The following TMEM163 variants were observed in gnomAD, a reference collection of about 807,000 sequenced individuals.
The protein encoded by TMEM163 is transmembrane protein 163.
A neutral mutation model predicts 29.3 loss-of-function variants in TMEM163; 17 were observed. The observed-to-expected ratio is 0.58, with a 90% confidence interval of 0.40 to 0.87. The LOEUF is 0.87. Among genes scored for constraint, TMEM163 ranks in the 40% least tolerant of loss-of-function variants. TMEM163 has a pLI of 0.00. For synonymous variants in TMEM163, 157 were observed against 160.6 expected (o/e 0.98, Z 0.17); for missense variants, 303 against 381.5 (o/e 0.79, Z 1.71).
chr2:134,671,744 C>T (rs1356476418), intron 2 of TMEM163, among the ~76,000 whole-genome samples: 3 of 152,244 alleles, frequency 2.0e-5, no homozygotes, highest in African/African-American at 7.2e-5. Context: ...CACAGCCCCA[C>T]CCCTGAGGGG....
intron 2 of TMEM163, among the ~76,000 whole-genome samples, chr2:134,635,815 G>T (rs1683091008): frequency 6.6e-6 from 1 of 152,106 alleles, no homozygotes; most frequent in African/African-American, 2.4e-5. Flanking sequence ...GGCAAAAGTG[G>T]GGATTGGAAA....
intron 2 of TMEM163, among the ~76,000 whole-genome samples, chr2:134,599,693 C>CT (rs559714595): frequency 0.48 from 62,321 of 130,918 alleles, 15,393 homozygotes; most frequent in Non-Finnish European, 0.55. Flanking sequence ...CCAACTTTAT[C>CT]TTTTTTTTTT....
chr2:134,713,425 C>T lies in TMEM163; in HGVS notation c.203-106G>A, dbSNP rs1684971868. The T allele has an allele frequency of 2.0e-6, 3 of 1,518,474 alleles. No homozygotes were observed. The African/African-American group carries it at 4.1e-5, about 21-fold the overall frequency. The allele number at this position is 1,518,474 out of a possible 1,614,324, so 94.1% of individuals were successfully genotyped here. ...AGATTGCAAACTAACAGCCCGTGGG[C>T]CAAGACGTGTTTTGTTTGGCCCACA... On this transcript the variant is annotated intron_variant, in intron 1 of 7. Coordinates refer to ENST00000281924, the MANE Select transcript of TMEM163 (RefSeq NM_030923.5).
At position 134,708,459 on chromosome 2, in the gene TMEM163, CAAAT is replaced by C. The variant is rs201887121; in HGVS notation, c.322+4737_322+4740del. ...AAGGGTTAAGAGTTTACATTAAAATCAAATAAATTATTTTAAAATCTCCACATCT... is the reference window on the plus strand; with the variant it reads ...AAGGGTTAAGAGTTTACATTAAAATCAAATTATTTTAAAATCTCCACATCT... On this transcript the variant is annotated intron_variant, in intron 2 of 7. Coordinates refer to ENST00000281924, the MANE Select transcript of TMEM163 (RefSeq NM_030923.5). 2.0e-5 allele frequency among the ~76,000 whole-genome samples: 3 copies of C among 152,058 alleles called. No homozygotes were observed. The East Asian group carries it at 5.8e-4, about 29-fold the overall frequency.
chr2:134,662,355 C>T (rs1283709565), intron 2 of TMEM163, among the ~76,000 whole-genome samples: 1 of 152,044 alleles, frequency 6.6e-6, no homozygotes, highest in Non-Finnish European at 1.5e-5. Context: ...TCTCTTCAAA[C>T]AGAAAGATGT....
intron 2 of TMEM163, among the ~76,000 whole-genome samples, chr2:134,679,021 A>C (rs1469208285): frequency 6.6e-6 from 1 of 152,226 alleles, no homozygotes; most frequent in Non-Finnish European, 1.5e-5. Flanking sequence ...CAATCAACAT[A>C]TTTAACAACG....
chr2:134,479,718 A>C (rs1003490443), intron 5 of TMEM163, among the ~76,000 whole-genome samples: 2 of 152,188 alleles, frequency 1.3e-5, no homozygotes, highest in African/African-American at 4.8e-5. Context: ...AGGCTTGTAA[A>C]AATGAGGTAA....
intron 2 of TMEM163, among the ~76,000 whole-genome samples, chr2:134,585,708 C>CCGCAG (rs1681806441): frequency 6.6e-6 from 1 of 150,480 alleles, no homozygotes; most frequent in Non-Finnish European, 1.5e-5. Context: ...CGCCACTGCA[C>CCGCAG]TCCAGCCTGG....
intron 5 of TMEM163, among the ~76,000 whole-genome samples, chr2:134,492,781 G>C (rs72853935): frequency 0.13 from 20,359 of 152,170 alleles, 1,705 homozygotes; most frequent in Middle Eastern, 0.29. Context: ...TCCAGTTTTT[G>C]ACATTAGAAA....
chr2:134,656,307 T>C (rs1244635568), intron 2 of TMEM163, among the ~76,000 whole-genome samples: 26 of 149,820 alleles, frequency 1.7e-4, no homozygotes, highest in African/African-American at 4.5e-4. Flanking sequence ...AGTGACCCGA[T>C]TTTCCAGGTG....
rs182273055 is a variant in TMEM163, at chr2:134,650,605, T to C, written c.322+62595A>G. ...GCACATTGTGCAGGTTAGTTACATA[T>C]GTATGTATACATGTGCCATGCTGGT... On this transcript the variant is annotated intron_variant, in intron 2 of 7. Transcript: ENST00000281924. Among the ~76,000 whole-genome samples the C allele has an allele frequency of 6.0e-3, 873 of 144,480 alleles. 50 individuals carry two copies. The highest frequency in any genetic ancestry group is 0.014 in the Middle Eastern group (4 of 290). 94.8% of individuals were successfully genotyped at this position (144,480 alleles called of 152,430 possible). A position where few individuals can be genotyped will look rare whatever the true frequency, so the allele number is the denominator to read the frequency against.
At chr2:134,496,439 C>T (rs1359308331) in intron 5 of TMEM163, among the ~76,000 whole-genome samples, 1 of 149,166 alleles carries the variant, frequency 6.7e-6, no homozygotes, top group Non-Finnish European at 1.5e-5. Flanking sequence ...GAGGCTCCTA[C>T]AGGAACACCA....
chr2:134,493,362 CTTTTTTTTTTTT>C lies in TMEM163; in HGVS notation c.555+9527_555+9538del, dbSNP rs1159013721. Among the ~76,000 whole-genome samples, 201 of 49,856 alleles carry C rather than the reference CTTTTTTTTTTTT, an allele frequency of 4.0e-3. 3 individuals are homozygous for C. Among genetic ancestry groups the C allele is most frequent in the African/African-American group, 0.017 (194 of 11,240 alleles). 32.7% of individuals were successfully genotyped at this position (49,856 alleles called of 152,430 possible). A position where few individuals can be genotyped will look rare whatever the true frequency, so the allele number is the denominator to read the frequency against. On this transcript the variant is annotated intron_variant, in intron 5 of 7. Transcript: ENST00000281924. ...GACTTATGGTTCAAGCTTTTGGTGTCTTTTTTTTTTTTTTTTTTTTTTTTTTTTTGAGATGGA... is the reference window on the plus strand; with the variant it reads ...GACTTATGGTTCAAGCTTTTGGTGTCTTTTTTTTTTTTTTTTTGAGATGGA...
rs1179504153 is a variant in TMEM163 at position 134,713,269 on chromosome 2, T to G, written c.253A>C (p.Arg85=). The G allele has an allele frequency of 6.2e-7, 1 of 1,614,162 alleles. No individual in the cohort carries two copies. Among genetic ancestry groups the G allele is most frequent in the Non-Finnish European group, 8.5e-7 (1 of 1,180,006 alleles). ...RLKPHEAQNY[R]KKALWVSWFS... ...CAGGACACCCACAATGCCTTCTTCCTGTAGTTCTGGGCTTCGTGAGGTTTC... is the reference window on the plus strand; with the variant it reads ...CAGGACACCCACAATGCCTTCTTCCGGTAGTTCTGGGCTTCGTGAGGTTTC... Residue 85 remains arginine, a synonymous_variant, in exon 2 of 8, where the codon AGG becomes CGG. Transcript: ENST00000281924.
intron 2 of TMEM163, among the ~76,000 whole-genome samples, chr2:134,586,295 T>C (rs1681823060): frequency 6.6e-6 from 1 of 152,230 alleles, no homozygotes; most frequent in Non-Finnish European, 1.5e-5. Flanking sequence ...TTCTAGAGGC[T>C]AGAAGTCTAA....
At chr2:134,593,913 C>T (rs894918438) in intron 2 of TMEM163, among the ~76,000 whole-genome samples, 1 of 151,916 alleles carries the variant, frequency 6.6e-6, no homozygotes, top group African/African-American at 2.4e-5. Flanking sequence ...CCCATCTAGC[C>T]TTCCTGGAGC....
chr2:134,682,378 T>C (rs868541954), intron 2 of TMEM163, among the ~76,000 whole-genome samples: 1 of 152,340 alleles, frequency 6.6e-6, no homozygotes, highest in Middle Eastern at 3.4e-3. Flanking sequence ...GCTCAGCTTA[T>C]TTTGCAGGGT....
At chr2:134,618,496 T>C (rs972535771) in intron 2 of TMEM163, among the ~76,000 whole-genome samples, 23 of 152,080 alleles carry the variant, frequency 1.5e-4, no homozygotes, top group African/African-American at 4.8e-4. Context: ...ATTAATAGAA[T>C]GAGAATCAGT....
chr2:134,499,502 T>C (rs1434115688), intron 5 of TMEM163, among the ~76,000 whole-genome samples: 1 of 152,110 alleles, frequency 6.6e-6, no homozygotes, highest in African/African-American at 2.4e-5. Context: ...CTGTTCCAGT[T>C]CCCCAGAGAG....
Sources: gnomAD v4.1 joint callset for allele counts (sites outside exome capture counted in the v4.1 genomes callset) on GRCh38, gnomAD v4.1.1 for gene constraint, MANE v1.5 for transcripts, NCBI Gene and HGNC (gene_info 2026-07-23, HGNC 2026-07-21) for gene names.